The following DLG2 variants were observed in gnomAD, a reference collection of about 807,000 sequenced individuals.
DLG2 encodes the protein discs large MAGUK scaffold protein 2, also known as disks large homolog 2.
In DLG2, 45 loss-of-function variants were observed where a neutral mutation model predicts 132.5. The observed-to-expected ratio is 0.34, with a 90% confidence interval of 0.27 to 0.44. The LOEUF (loss-of-function observed/expected upper bound fraction) is 0.44. Among genes scored for constraint, DLG2 ranks in the 20% least tolerant of loss-of-function variants. DLG2 has a pLI of 1.00. For missense variants in DLG2, 1,045 were observed against 1,196.9 expected, an observed-to-expected ratio of 0.87 and a Z score of 1.87; for synonymous variants, 424 against 419.6, an observed-to-expected ratio of 1.01 and a Z score of -0.13.
Position 85,583,120 on chromosome 11 carries a change from GTGTGTGTGTGTA to G in DLG2, c.40+15525_40+15536del, listed in dbSNP as rs1231336683. Among the ~76,000 whole-genome samples, 22 of 57,830 alleles carry G rather than the reference GTGTGTGTGTGTA, an allele frequency of 3.8e-4. No homozygotes were observed. The South Asian group carries it at 5.2e-3, about 14-fold the overall frequency. 37.9% of individuals were successfully genotyped at this position (57,830 alleles called of 152,430 possible). On this transcript the variant is annotated intron_variant, in intron 3 of 27. Transcript: ENST00000376104. ...TGTGTGTGTGTGTGTGTGTGTGTGT[GTGTGTGTGTGTA>G]TATATATATATATATATATATATAT...
At chr11:84,262,666 TCCCCTGAC>T (rs1303291596) in intron 7 of DLG2, among the ~76,000 whole-genome samples, 2 of 152,096 alleles carry the variant, frequency 1.3e-5, no homozygotes, top group Non-Finnish European at 2.9e-5. Flanking sequence ...TAGTCTTCTA[TCCCCTGAC>T]CCCCTTTCAC....
At chr11:84,651,381 C>A (rs114722011) in intron 6 of DLG2, among the ~76,000 whole-genome samples, 1,632 of 152,160 alleles carry the variant, frequency 0.011, 30 homozygotes, top group African/African-American at 0.037. Context: ...TACTTTTGGA[C>A]CAATTAATTA....
intron 22 of DLG2, among the ~76,000 whole-genome samples, chr11:83,479,382 GGA>G (rs1491396627): frequency 1.4e-4 from 21 of 151,996 alleles, no homozygotes; most frequent in African/African-American, 2.9e-4. Flanking sequence ...AACGGGGGGG[GGA>G]AAACCTCAAA....
intron 18 of DLG2, chr11:83,725,193 T>C (rs942894886): frequency 1.4e-5 from 5 of 352,028 alleles, no homozygotes; most frequent in African/African-American, 8.1e-5. Flanking sequence ...TCTTCTCAGT[T>C]AAAAAGGCTT....
intron 6 of DLG2, among the ~76,000 whole-genome samples, chr11:84,756,680 C>T (rs2066922577): frequency 6.6e-6 from 1 of 152,148 alleles, no homozygotes; most frequent in African/African-American, 2.4e-5. Context: ...TCTGAGTAAA[C>T]CAAGCTTGTC....
rs546865569 is a variant in DLG2 at position 83,621,409 on chromosome 11, A to G, written c.1940+11802T>C. Among the ~76,000 whole-genome samples the G allele has an allele frequency of 9.3e-4, 142 of 152,168 alleles. 1 individual carries two copies. The highest frequency in any genetic ancestry group is 8.7e-3 in the South Asian group (42 of 4,814). On this transcript the variant is annotated intron_variant, in intron 19 of 27. Coordinates refer to ENST00000376104, the MANE Select transcript of DLG2 (RefSeq NM_001142699.3). ...AAAGTCATCTGAGGCACTTTTATGCATTTTCTTTAAAACTTAGGCCTGAAG... is the reference window on the plus strand; with the variant it reads ...AAAGTCATCTGAGGCACTTTTATGCGTTTTCTTTAAAACTTAGGCCTGAAG...
chr11:83,631,770 C>A (rs1484685913), intron 19 of DLG2: 1 of 152,058 alleles, frequency 6.6e-6, no homozygotes, highest in Non-Finnish European at 1.5e-5. Context: ...TATATATAAC[C>A]ATTTCAGTTA....
At chr11:85,074,329 G>A (rs2066249783) in intron 6 of DLG2, among the ~76,000 whole-genome samples, 1 of 151,782 alleles carries the variant, frequency 6.6e-6, no homozygotes, top group African/African-American at 2.4e-5. Flanking sequence ...CCACTTCTAA[G>A]CCTTTATACA....
In DLG2 at chr11:84,621,811, C is replaced by T. The variant is rs73511161; in HGVS notation, c.358-87080G>A. Among the ~76,000 whole-genome samples the T allele has an allele frequency of 2.1e-3, 324 of 152,036 alleles. 4 individuals are homozygous for T. The highest frequency in any genetic ancestry group is 7.6e-3 in the African/African-American group (314 of 41,476). On this transcript the variant is annotated intron_variant, in intron 6 of 27. Coordinates refer to ENST00000376104, the MANE Select transcript of DLG2 (RefSeq NM_001142699.3). ...ATAGCGCAAGGGTAAGAGTGTGTGGCTGTAAGATGCTTGGGGGAAGGGTGG... is the reference window on the plus strand; with the variant it reads ...ATAGCGCAAGGGTAAGAGTGTGTGGTTGTAAGATGCTTGGGGGAAGGGTGG...
intron 6 of DLG2, among the ~76,000 whole-genome samples, chr11:85,063,875 T>C (rs982861293): frequency 4.6e-5 from 7 of 151,840 alleles, no homozygotes; most frequent in African/African-American, 1.7e-4. Context: ...CCATCTATTA[T>C]ATGCAAGGCA....
intron 17 of DLG2, among the ~76,000 whole-genome samples, chr11:83,806,416 C>CTAGGGGATATT (rs1383059834): frequency 1.3e-5 from 2 of 152,278 alleles, no homozygotes; most frequent in East Asian, 3.9e-4. Flanking sequence ...ATATCCCCAG[C>CTAGGGGATATT]TACATTCCCA....
intron 10 of DLG2, among the ~76,000 whole-genome samples, chr11:84,080,775 T>C (rs542095444): frequency 1.3e-5 from 2 of 152,068 alleles, no homozygotes; most frequent in Non-Finnish European, 2.9e-5. Flanking sequence ...GTGGATCACC[T>C]GAGGTCTGGA....
chr11:84,678,228 A>T (rs1405662281), intron 6 of DLG2, among the ~76,000 whole-genome samples: 1 of 152,014 alleles, frequency 6.6e-6, no homozygotes. Context: ...TCTGTTCCCA[A>T]GGTTTTGTGA....
At chr11:85,058,244 T>G (rs544881608) in intron 6 of DLG2, among the ~76,000 whole-genome samples, 1 of 151,676 alleles carries the variant, frequency 6.6e-6, no homozygotes, top group South Asian at 2.1e-4. Flanking sequence ...TTGCATTTCT[T>G]TAAATATATC....
In DLG2 at chr11:85,386,758, T is replaced by C. The variant is rs183196609; in HGVS notation, c.41-101393A>G. On this transcript the variant is annotated intron_variant, in intron 3 of 27. Transcript: ENST00000376104. ...GTAGCTGTGCCTACCACAGAGAAGA[T>C]GTTTAATAAATGATAGTGAAAAAAG... is the stretch of plus-strand genomic sequence containing the variant. 3.6e-3 allele frequency among the ~76,000 whole-genome samples: 527 copies of C among 146,866 alleles called. 4 individuals are homozygous for C. Among genetic ancestry groups the C allele is most frequent in the African/African-American group, 0.012 (470 of 39,676 alleles).
At chr11:84,324,548 T>C (rs2098421309) in intron 7 of DLG2, among the ~76,000 whole-genome samples, 3 of 152,258 alleles carry the variant, frequency 2.0e-5, no homozygotes, top group Middle Eastern at 6.8e-3. Context: ...TGGTTCCATA[T>C]GATTTTTTTT....
intron 7 of DLG2, among the ~76,000 whole-genome samples, chr11:84,396,020 A>G (rs2098809718): frequency 6.6e-6 from 1 of 152,226 alleles, no homozygotes. Context: ...TCAAACAATA[A>G]GAAGTCTAAT....
At chr11:84,912,035 C>T (rs2092106201) in intron 6 of DLG2, among the ~76,000 whole-genome samples, 1 of 152,106 alleles carries the variant, frequency 6.6e-6, no homozygotes, top group Non-Finnish European at 1.5e-5. Context: ...TTCTTGGGAT[C>T]CAAAGTATAC....
intron 10 of DLG2, among the ~76,000 whole-genome samples, chr11:84,095,899 C>A (rs1244933908): frequency 1.3e-5 from 2 of 152,126 alleles, no homozygotes; most frequent in African/African-American, 4.8e-5. Context: ...TTCATATACA[C>A]AGTCATAGGC....
Sources: gnomAD v4.1 joint callset for allele counts (sites outside exome capture counted in the v4.1 genomes callset) on GRCh38, gnomAD v4.1.1 for gene constraint, MANE v1.5 for transcripts, NCBI Gene and HGNC (gene_info 2026-07-23, HGNC 2026-07-21) for gene names.